Variants in LRIG1 observed in about 807,000 individuals in gnomAD.
LRIG1 encodes leucine rich repeats and immunoglobulin like domains 1, also known as leucine-rich repeats and immunoglobulin-like domains protein 1.
In LRIG1, 48 loss-of-function variants were observed where a neutral mutation model predicts 99.2. The ratio of observed to expected loss-of-function variants is 0.48; its 90% CI spans 0.38 to 0.62. The LOEUF is 0.62. Among genes scored for constraint, LRIG1 ranks in the 20% least tolerant of loss-of-function variants. The probability of loss-of-function intolerance (pLI) is 0.00; values close to 1 mark genes in which losing one functional copy is unlikely to be tolerated. For synonymous variants in LRIG1, 772 were observed against 596.1 expected, an observed-to-expected ratio of 1.29 and a Z score of -4.30; for missense variants, 1,646 against 1,434.4, an observed-to-expected ratio of 1.15 and a Z score of -2.38.
intron 7 of LRIG1, 175 bp downstream of exon 7, chr3:66,409,954 G>C (rs1702410227): frequency 6.9e-6 from 4 of 578,088 alleles, no homozygotes; most frequent in Middle Eastern, 4.6e-4. Context: ...GAAGGGACTG[G>C]GGCTCAAATC....
intron 3 of LRIG1, among the ~76,000 whole-genome samples, chr3:66,439,906 C>T (rs1703485744): frequency 6.6e-6 from 1 of 152,120 alleles, no homozygotes; most frequent in Non-Finnish European, 1.5e-5. Context: ...CAAATTAAAT[C>T]AACAGTGAAA....
intron 1 of LRIG1, among the ~76,000 whole-genome samples, chr3:66,480,692 A>G (rs1700829547): frequency 6.6e-6 from 1 of 152,172 alleles, no homozygotes; most frequent in Admixed American, 6.5e-5. Context: ...CCATGAGTCC[A>G]TCAGATGCAG....
At position 66,380,735 on chromosome 3, in the gene LRIG1, T is replaced by G. The variant is rs1278227402; in HGVS notation, c.2897A>C (p.Glu966Ala). The change falls in exon 18 of 19, where the codon GAG becomes GCG. Residue 966 changes from glutamate to alanine, a missense_variant. Physicochemically the swap from Glu to Ala is moderately radical, Grantham distance 107. Coordinates refer to ENST00000273261, the MANE Select transcript of LRIG1 (RefSeq NM_015541.3). ...SAQPSAPNGP[E>A]PGGSDQEHSP... ...ATGCTCTTGGTCACTCCCACCCGGCTCCGGGCCATTTGGCGCACTTGGCTG... is the reference window on the plus strand; with the variant it reads ...ATGCTCTTGGTCACTCCCACCCGGCGCCGGGCCATTTGGCGCACTTGGCTG... 2 of 1,614,188 alleles carry G rather than the reference T, an allele frequency of 1.2e-6. No homozygotes were observed. The highest frequency in any genetic ancestry group is 1.1e-5 in the South Asian group (1 of 91,078).
rs781396985 is a variant in LRIG1 at position 66,381,662 on chromosome 3, T to G, written c.2618-31A>C. On this transcript the variant is annotated intron_variant, in intron 16 of 18. Transcript: ENST00000273261. ...AGTGGATTCCAACACGATTAGAAAC[T>G]CTGGGCTTGGTATTTCACAGTAAGC... 2.5e-6 allele frequency: 4 copies of G among 1,602,324 alleles called. No individual in the cohort carries two copies. The Admixed American group carries it at 5.0e-5, about 20-fold the overall frequency.
intron 3 of LRIG1, among the ~76,000 whole-genome samples, chr3:66,444,948 C>T (rs1001953590): frequency 4.0e-5 from 6 of 150,916 alleles, no homozygotes; most frequent in African/African-American, 9.7e-5. Context: ...CATATATATA[C>T]GTGTGTATAT....
At chr3:66,438,524 CATA>C (rs1703436933) in intron 3 of LRIG1, among the ~76,000 whole-genome samples, 1 of 152,150 alleles carries the variant, frequency 6.6e-6, no homozygotes, top group Non-Finnish European at 1.5e-5. Flanking sequence ...ATAATGGATC[CATA>C]ATGTCAGAGT....
At chr3:66,462,984 A>C (rs1390546186) in intron 1 of LRIG1, among the ~76,000 whole-genome samples, 6 of 152,184 alleles carry the variant, frequency 3.9e-5, no homozygotes, top group Admixed American at 3.9e-4. Context: ...TTTGCCCCCC[A>C]GAGGACACTT....
intron 18 of LRIG1, 37 bp from the exon 19 acceptor site, chr3:66,380,526 G>C: frequency 6.2e-7 from 1 of 1,613,800 alleles, no homozygotes; most frequent in South Asian, 1.1e-5. Flanking sequence ...ACCCCCACTT[G>C]ACCGTTTAAG....
chr3:66,387,380 G>C (rs989717633), intron 12 of LRIG1: 1 of 152,052 alleles, frequency 6.6e-6, no homozygotes, highest in Non-Finnish European at 1.5e-5. Context: ...CAAATAGGAA[G>C]TGATGGCACA....
intron 12 of LRIG1, chr3:66,387,937 A>G (rs1054760465): frequency 2.4e-5 from 3 of 125,088 alleles, no homozygotes; most frequent in Admixed American, 8.1e-5. Context: ...CTCTACTAAA[A>G]ATACAAAAAA....
intron 7 of LRIG1, among the ~76,000 whole-genome samples, chr3:66,407,910 G>A (rs1006752193): frequency 6.6e-6 from 1 of 152,170 alleles, no homozygotes; most frequent in Non-Finnish European, 1.5e-5. Context: ...AAGCCAGGGA[G>A]CCCCAGTCAC....
Position 66,414,346 on chromosome 3 carries a change from G to C in LRIG1, c.647+574C>G, listed in dbSNP as rs1009658019. Among the ~76,000 whole-genome samples, 26 of 151,934 alleles carry C rather than the reference G, an allele frequency of 1.7e-4. No homozygotes were observed. The East Asian group carries it at 4.4e-3, about 26-fold the overall frequency. On this transcript the variant is annotated intron_variant, in intron 5 of 18. Transcript: ENST00000273261. The stretch of plus-strand genomic sequence containing the variant: ...CCGGGGGCGGAGCTTGCAGTGAGCT[G>C]AGATCACACCACTGCACCCCACCTG...
At chr3:66,391,913 C>T (rs1156706157) in intron 12 of LRIG1, among the ~76,000 whole-genome samples, 3 of 152,226 alleles carry the variant, frequency 2.0e-5, no homozygotes, top group Admixed American at 2.0e-4. Context: ...ACAACATTTT[C>T]ATCACTTCAA....
chr3:66,460,936 T>C (rs1488822227), intron 2 of LRIG1, among the ~76,000 whole-genome samples: 1 of 152,214 alleles, frequency 6.6e-6, no homozygotes, highest in African/African-American at 2.4e-5. Context: ...GATGAGGGTT[T>C]GGAATGCAAG....
intron 4 of LRIG1, among the ~76,000 whole-genome samples, chr3:66,416,591 T>C (rs926329787): frequency 6.6e-6 from 1 of 152,168 alleles, no homozygotes; most frequent in African/African-American, 2.4e-5. Flanking sequence ...TTAATATGGG[T>C]AAGAGAAACA....
At chr3:66,472,548 T>C (rs900882709) in intron 1 of LRIG1, among the ~76,000 whole-genome samples, 1 of 152,146 alleles carries the variant, frequency 6.6e-6, no homozygotes, top group African/African-American at 2.4e-5. Context: ...GGCCCTGAGA[T>C]GAACCCTGCT....
chr3:66,380,805 T>C lies in LRIG1; in HGVS notation c.2827A>G (p.Arg943Gly). 2 of 1,614,194 alleles carry C rather than the reference T, an allele frequency of 1.2e-6. No individual in the cohort carries two copies. Among genetic ancestry groups the C allele is most frequent in the Non-Finnish European group, 1.7e-6 (2 of 1,180,034 alleles). Residue 943 changes from arginine (R) to glycine (G), a missense_variant, in exon 18 of 19, where the codon AGG becomes GGG. Transcript: ENST00000273261. ...GGCTGGGGGTGGAAGGCTTGTCCCC[T>C]GGAGTAACAGTCCACTTCGGTGTTG... is the stretch of plus-strand genomic sequence containing the variant. The part of the protein sequence containing the change: ...DCNTEVDCYS[R>G]GQAFHPQPVS...
chr3:66,382,689 C>T (rs771963521), intron 15 of LRIG1, among the ~76,000 whole-genome samples: 4 of 152,228 alleles, frequency 2.6e-5, no homozygotes, highest in Non-Finnish European at 5.9e-5. Context: ...GAACAACCTA[C>T]TACGTGGCAG....
chr3:66,386,239 C>A lies in LRIG1; in HGVS notation c.1531G>T (p.Asp511Tyr). 1 of 1,614,058 alleles carries A rather than the reference C, an allele frequency of 6.2e-7. No individual in the cohort carries two copies. The highest frequency in any genetic ancestry group is 8.5e-7 in the Non-Finnish European group (1 of 1,179,996). The change falls in exon 13 of 19, where the codon GAC becomes TAC. Residue 511 changes from aspartate (D) to tyrosine (Y), a missense_variant. Physicochemically the swap from Asp to Tyr is radical, Grantham distance 160. Coordinates refer to ENST00000273261, the MANE Select transcript of LRIG1 (RefSeq NM_015541.3). Reference protein sequence around the residue: ...PETTMAMVGKDIRFTCSAASS... With the variant: ...PETTMAMVGKYIRFTCSAASS... ...GCTGCTGAGCATGTAAACCGGATGT[C>A]CTTGCCCACCATAGCCATGGTGGTT...
Sources: allele counts gnomAD v4.1 joint callset (sites outside exome capture counted in the v4.1 genomes callset), GRCh38; gene constraint gnomAD v4.1.1; transcripts MANE v1.5; gene names NCBI Gene and HGNC (gene_info 2026-07-23, HGNC 2026-07-21).